Variants in RIMS1 observed in about 807,000 individuals in gnomAD.
RIMS1 encodes the protein regulating synaptic membrane exocytosis protein 1.
In RIMS1, 83 loss-of-function variants were observed where a neutral mutation model predicts 214.1. The ratio of observed to expected loss-of-function variants is 0.39; its 90% CI spans 0.32 to 0.47. The LOEUF is 0.47. RIMS1 is among the 20% of genes least tolerant of loss of function. The probability of loss-of-function intolerance (pLI) is 0.99; values close to 1 mark genes in which losing one functional copy is unlikely to be tolerated. For missense variants in RIMS1, 2,050 were observed against 2,161.8 expected (o/e 0.95, Z 1.03); for synonymous variants, 793 against 786.8 (o/e 1.01, Z -0.13).
Position 72,159,618 on chromosome 6 carries a change from T to A in RIMS1, c.472-19957T>A, listed in dbSNP as rs1206033024. ...CAGCTTTCTACATATGGCTAGCCAG[T>A]TTTCCCAGCACCATTTATTAAATAG... On this transcript the variant is annotated intron_variant, in intron 4 of 33. Coordinates refer to ENST00000521978, the MANE Select transcript of RIMS1 (RefSeq NM_014989.7). Among the ~76,000 whole-genome samples the A allele has an allele frequency of 5.7e-5, 8 of 140,770 alleles. 1 individual carries two copies. The highest frequency in any genetic ancestry group is 9.7e-5 in the Non-Finnish European group (6 of 61,892). The allele number at this position is 140,770 out of a possible 152,430, so 92.4% of individuals were successfully genotyped here.
intron 4 of RIMS1, among the ~76,000 whole-genome samples, chr6:72,147,822 G>A (rs2042950940): frequency 6.6e-6 from 1 of 152,096 alleles, no homozygotes; most frequent in Admixed American, 6.5e-5. Context: ...ATACTTCTGG[G>A]TTTTGAACTC....
intron 26 of RIMS1, among the ~76,000 whole-genome samples, chr6:72,304,961 T>C (rs1371905987): frequency 1.3e-5 from 2 of 151,966 alleles, no homozygotes; most frequent in African/African-American, 4.8e-5. Flanking sequence ...GGAGATTTTT[T>C]TTTCCTTTCA....
chr6:72,284,146 A>G (rs766995692), intron 24 of RIMS1, 28 bp downstream of exon 24: 12 of 1,585,748 alleles, frequency 7.6e-6, no homozygotes, highest in South Asian at 5.5e-5. Flanking sequence ...GTGTGCTGAC[A>G]TCTTCCATTT....
intron 4 of RIMS1, among the ~76,000 whole-genome samples, chr6:72,110,640 A>G (rs931420688): frequency 3.3e-5 from 5 of 150,544 alleles, no homozygotes; most frequent in South Asian, 2.1e-4. Context: ...CAATCATGTC[A>G]TCTGCAAACA....
Position 72,224,241 on chromosome 6 carries a change from G to A in RIMS1, c.1679-9532G>A, listed in dbSNP as rs143441186. On this transcript the variant is annotated intron_variant, in intron 6 of 33. Transcript: ENST00000521978. ...GTTGTTTGATGGTGGGAATTAATTC[G>A]TAGTTTTGTTTTAGAAAATATAAAT... 2.9e-3 allele frequency among the ~76,000 whole-genome samples: 446 copies of A among 152,316 alleles called. 4 individuals carry two copies. Among genetic ancestry groups the A allele is most frequent in the East Asian group, 5.2e-3 (27 of 5,178 alleles).
chr6:72,162,480 C>T (rs1233656979), intron 4 of RIMS1, among the ~76,000 whole-genome samples: 2 of 140,442 alleles, frequency 1.4e-5, no homozygotes, highest in Admixed American at 7.3e-5. Context: ...TTCTTCCTAG[C>T]CTTGATGGTC....
At chr6:72,216,448 G>C in intron 6 of RIMS1, 3 of 985,470 alleles carry the variant, frequency 3.0e-6, no homozygotes, top group Non-Finnish European at 3.6e-6. Context: ...TACCAGAAAA[G>C]CCTGAAGAAG....
At chr6:72,113,854 G>A (rs563766691) in intron 4 of RIMS1, among the ~76,000 whole-genome samples, 1 of 152,154 alleles carries the variant, frequency 6.6e-6, no homozygotes, top group African/African-American at 2.4e-5. Flanking sequence ...TTCTCAATTA[G>A]TGGTTAGTCC....
intron 2 of RIMS1, among the ~76,000 whole-genome samples, chr6:72,043,219 A>G (rs1412071846): frequency 1.3e-5 from 2 of 151,642 alleles, no homozygotes; most frequent in Non-Finnish European, 3.0e-5. Context: ...TGTGAATGCA[A>G]ATAAGAAATT....
intron 4 of RIMS1, among the ~76,000 whole-genome samples, chr6:72,100,294 C>T (rs2033221524): frequency 6.6e-6 from 1 of 151,916 alleles, no homozygotes; most frequent in Admixed American, 6.6e-5. Flanking sequence ...CTTTCAGAAA[C>T]AATAAATTCT....
intron 1 of RIMS1, among the ~76,000 whole-genome samples, chr6:71,937,485 T>C (rs1401743702): frequency 6.6e-6 from 1 of 152,128 alleles, no homozygotes; most frequent in Non-Finnish European, 1.5e-5. Context: ...ACTCCTGGGC[T>C]CAAGCAGTCT....
rs553452408 is a variant in RIMS1 at position 72,250,942 on chromosome 6, C to A, written c.2394C>A (p.Thr798=). The A allele has an allele frequency of 6.6e-6, 10 of 1,523,118 alleles. No homozygotes were observed. The African/African-American group carries it at 7.0e-5, about 11-fold the overall frequency. 94.4% of individuals were successfully genotyped at this position (1,523,118 alleles called of 1,614,324 possible). A position where few individuals can be genotyped will look rare whatever the true frequency, so the allele number is the denominator to read the frequency against. ...PDRSDKSKRR[T]KTVKKILEPK... is the part of the protein sequence containing the mutation. ...TCAGTGATAAAAGTAAAAGGAGGAC[C>A]AAAACAGTAAAGAAAATACTAGAAC... Residue 798 remains threonine, a synonymous_variant, in exon 14 of 34, where the codon ACC becomes ACA. Transcript: ENST00000521978.
chr6:72,353,485 G>A (rs2097532844), intron 29 of RIMS1, among the ~76,000 whole-genome samples: 1 of 152,172 alleles, frequency 6.6e-6, no homozygotes, highest in African/African-American at 2.4e-5. Flanking sequence ...TTAGAGTCCA[G>A]GTTCCCCTGT....
chr6:71,897,121 C>G (rs903754827), intron 1 of RIMS1, among the ~76,000 whole-genome samples: 4 of 152,284 alleles, frequency 2.6e-5, no homozygotes, highest in African/African-American at 7.2e-5. Flanking sequence ...ACTGCAACTC[C>G]TCACTTCACC....
chr6:72,273,204 A>G (rs1351762782), intron 22 of RIMS1, among the ~76,000 whole-genome samples: 2 of 152,078 alleles, frequency 1.3e-5, no homozygotes, highest in Admixed American at 1.3e-4. Flanking sequence ...GCCCTTTGCT[A>G]TGTTTGGCCA....
At chr6:72,047,552 T>G (rs1437877165) in intron 2 of RIMS1, among the ~76,000 whole-genome samples, 3 of 152,108 alleles carry the variant, frequency 2.0e-5, no homozygotes, top group Non-Finnish European at 1.5e-5. Flanking sequence ...AGAAGTTTAA[T>G]GGAACAGAGA....
chr6:72,048,932 T>C (rs1212189554), intron 2 of RIMS1, among the ~76,000 whole-genome samples: 3 of 151,974 alleles, frequency 2.0e-5, no homozygotes, highest in African/African-American at 7.3e-5. Flanking sequence ...CTTTGGCAGG[T>C]GAGACAGGGA....
At chr6:72,233,953 G>A in intron 7 of RIMS1, 113 bp downstream of exon 7, 2 of 677,218 alleles carry the variant, frequency 3.0e-6, no homozygotes, top group Non-Finnish European at 5.1e-6. Flanking sequence ...GGCAAATATT[G>A]ATTTCATTTA....
chr6:72,379,677 C>T (rs1218505475), intron 29 of RIMS1, among the ~76,000 whole-genome samples: 1 of 152,148 alleles, frequency 6.6e-6, no homozygotes, highest in African/African-American at 2.4e-5. Context: ...TTCCTGAGTG[C>T]TTTACATGAA....
Sources: allele counts gnomAD v4.1 joint callset (sites outside exome capture counted in the v4.1 genomes callset), GRCh38; gene constraint gnomAD v4.1.1; transcripts MANE v1.5; gene names NCBI Gene and HGNC (gene_info 2026-07-23, HGNC 2026-07-21).